The following DRP2 variants were observed in gnomAD, a reference collection of about 807,000 sequenced individuals.
The protein encoded by DRP2 is dystrophin-related protein 2.
DRP2 carries 29 observed loss-of-function variants against 78.2 expected under a neutral mutation model. The ratio of observed to expected loss-of-function variants is 0.37; its 90% confidence interval spans 0.28 to 0.51. DRP2 has a LOEUF of 0.51. Ranked by LOEUF, DRP2 falls within the 20% of genes least tolerant of loss-of-function variation. DRP2 has a pLI of 0.94. For missense variants in DRP2, 686 were observed against 770.6 expected (o/e 0.89, Z 1.30); for synonymous variants, 290 against 281.9 (o/e 1.03, Z -0.29).
Position 101,220,112 on chromosome X carries a change from T to TG in DRP2, c.-200dup, listed in dbSNP as rs1167186156. On this transcript the variant is annotated 5_prime_UTR_variant, in exon 1 of 24. Transcript: ENST00000395209. ...CAGCCCCGGCCTCCCAGCTTACAGC[T>TG]GCCGCCTGCTTCTCAGACCTGACGG... is the stretch of plus-strand genomic sequence containing the variant. The TG allele has an allele frequency of 9.0e-6, 1 of 111,209 alleles. No homozygotes were observed. The highest frequency in any genetic ancestry group is 1.9e-5 in the Non-Finnish European group (1 of 53,073). 9.2% of individuals were successfully genotyped at this position (111,209 alleles called of 1,213,427 possible).
chrX:101,227,018 A>G (rs1236649066), intron 2 of DRP2, among the ~76,000 whole-genome samples: 1 of 112,010 alleles, frequency 8.9e-6, no homozygotes, highest in East Asian at 2.8e-4. Flanking sequence ...GATGGCACGG[A>G]GTATCACATG....
At chrX:101,251,926 A>G (rs1923156730) in intron 16 of DRP2, 1 of 111,897 alleles carries the variant, frequency 8.9e-6, no homozygotes, top group African/African-American at 3.3e-5. Context: ...TTTGTAAAAC[A>G]CTAACCCACA....
intron 4 of DRP2, 74 bp downstream of exon 4, chrX:101,236,097 C>A: frequency 9.1e-7 from 1 of 1,099,486 alleles, no homozygotes; most frequent in Admixed American, 2.3e-5. Flanking sequence ...CTGTCCTTCT[C>A]CTCTCAGCCT....
chrX:101,227,543 A>G (rs1291947539), intron 2 of DRP2, among the ~76,000 whole-genome samples: 2 of 111,775 alleles, frequency 1.8e-5, no homozygotes, highest in African/African-American at 6.5e-5. Flanking sequence ...TGACTGGGAC[A>G]ACTTTACTAG....
chrX:101,264,431 C>T lies in DRP2; in HGVS notation c.*3810C>T, dbSNP rs1204516382. ...ACAAATTGGTTAACTTTGATTGCCA[C>T]TCACTGTGGTGCTTTCCCCCTTTCC... On this transcript the variant is annotated 3_prime_UTR_variant, in exon 24 of 24. Coordinates refer to ENST00000395209, the MANE Select transcript of DRP2 (RefSeq NM_001939.3). 1 of 112,116 alleles carries T rather than the reference C, an allele frequency of 8.9e-6. No individual in the cohort carries two copies. The highest frequency in any genetic ancestry group is 1.9e-5 in the Non-Finnish European group (1 of 53,233). The allele number at this position is 112,116 out of a possible 1,213,427, so 9.2% of individuals were successfully genotyped here.
intron 1 of DRP2, among the ~76,000 whole-genome samples, chrX:101,221,092 G>T (rs1921877784): frequency 8.9e-6 from 1 of 112,079 alleles, no homozygotes. Flanking sequence ...GCAAGGCTGG[G>T]CTGGGGTGGG....
At chrX:101,242,776 G>A in intron 8 of DRP2, 128 bp from the exon 9 acceptor site, 1 of 669,575 alleles carries the variant, frequency 1.5e-6, no homozygotes, top group South Asian at 2.6e-5. Flanking sequence ...TTGGGTGACG[G>A]TGGGAGAGGC....
At chrX:101,222,282 CT>C (rs761537837) in intron 1 of DRP2, among the ~76,000 whole-genome samples, 3 of 110,849 alleles carry the variant, frequency 2.7e-5, no homozygotes, top group Non-Finnish European at 5.7e-5. Context: ...CTTTTTGCCT[CT>C]TGCAGATACA....
At position 101,260,660 on chromosome X, in the gene DRP2, C is replaced by T; in HGVS notation, c.*39C>T. Reference sequence around the variant, plus strand: ...CCATCCTATAGTTCATAGTCCTCTCCTGGTTCCGGTCAAAGCCTTTCCTCA... The same window carrying T: ...CCATCCTATAGTTCATAGTCCTCTCTTGGTTCCGGTCAAAGCCTTTCCTCA... On this transcript the variant is annotated 3_prime_UTR_variant, in exon 24 of 24. Transcript: ENST00000395209. The T allele has an allele frequency of 8.5e-7, 1 of 1,179,685 alleles. No individual in the cohort carries two copies. The highest frequency in any genetic ancestry group is 1.1e-6 in the Non-Finnish European group (1 of 879,413).
chrX:101,222,207 A>T (rs1412409428), intron 1 of DRP2, among the ~76,000 whole-genome samples: 2 of 111,905 alleles, frequency 1.8e-5, no homozygotes, highest in Non-Finnish European at 3.8e-5. Context: ...TGAATGTTTA[A>T]TTTTGTTTAA....
chrX:101,255,204 A>C lies in DRP2; in HGVS notation c.2201A>C (p.Gln734Pro). 8.3e-7 allele frequency: 1 copy of C among 1,211,452 alleles called. No homozygotes were observed. The highest frequency in any genetic ancestry group is 1.1e-6 in the Non-Finnish European group (1 of 895,348). ...CCTAGGCTTGCTGAGATGGAAAGTC[A>C]AAATTGCTCCTTCTTTAATGACAGC... ...FASRLAEMESQNCSFFNDSLS... is the reference protein window; with the variant it reads ...FASRLAEMESPNCSFFNDSLS... Residue 734 changes from glutamine (Q) to proline (P), a missense_variant, in exon 20 of 24, where the codon CAA becomes CCA. Transcript: ENST00000395209.
rs367797738 is a variant in DRP2, at chrX:101,257,012, A to C, written c.2390+751A>C. Among the ~76,000 whole-genome samples the C allele has an allele frequency of 5.9e-4, 65 of 109,539 alleles. 1 individual carries two copies. Among genetic ancestry groups the C allele is most frequent in the African/African-American group, 1.9e-3 (57 of 30,075 alleles). The stretch of plus-strand genomic sequence containing the variant: ...AAAGAAATGTGTATCACCTAGTAAA[A>C]GTATTCCAGAGGACAATGACACTAC... On this transcript the variant is annotated intron_variant, in intron 21 of 23. Transcript: ENST00000395209.
chrX:101,243,051 C>T, intron 9 of DRP2, 69 bp downstream of exon 9: 4 of 1,010,296 alleles, frequency 4.0e-6, no homozygotes. Context: ...TATTGTTATC[C>T]CCTGGGGCCC....
chrX:101,231,620 C>T lies in DRP2; in HGVS notation c.-28C>T, dbSNP rs372444778. On this transcript the variant is annotated 5_prime_UTR_variant, in exon 3 of 24. Coordinates refer to ENST00000395209, the MANE Select transcript of DRP2 (RefSeq NM_001939.3). ...ATCAATAGTTGGTGCACTGCCTATC[C>T]TCATCCCCCCCATGAGCCTTGGTTT... 51 of 1,151,181 alleles carry T rather than the reference C, an allele frequency of 4.4e-5. No individual in the cohort carries two copies. The Middle Eastern group carries it at 1.4e-3, about 32-fold the overall frequency. The allele number at this position is 1,151,181 out of a possible 1,213,427, so 94.9% of individuals were successfully genotyped here.
At chrX:101,245,331 A>T in intron 10 of DRP2, 57 bp from the exon 11 acceptor site, 1 of 1,085,431 alleles carries the variant, frequency 9.2e-7, no homozygotes, top group Non-Finnish European at 1.3e-6. Flanking sequence ...TGCACATCTG[A>T]GTGTGGGGGT....
At chrX:101,240,462 T>C (rs1361626010) in intron 6 of DRP2, among the ~76,000 whole-genome samples, 1 of 112,688 alleles carries the variant, frequency 8.9e-6, no homozygotes, top group Non-Finnish European at 1.9e-5. Context: ...TCTTGAACTC[T>C]TGGGCTCAAG....
At chrX:101,234,950 G>A (rs191486062) in intron 3 of DRP2, among the ~76,000 whole-genome samples, 26 of 110,577 alleles carry the variant, frequency 2.4e-4, no homozygotes, top group Admixed American at 2.2e-3. Flanking sequence ...GCAGGTGTGG[G>A]TCTCCCTAGT....
At chrX:101,236,331 G>A (rs1426190889) in intron 4 of DRP2, among the ~76,000 whole-genome samples, 1 of 112,255 alleles carries the variant, frequency 8.9e-6, no homozygotes, top group Admixed American at 9.4e-5. Context: ...CTACCTCACA[G>A]TGTGGTCATA....
In DRP2 at chrX:101,260,135, G is replaced by A; in HGVS notation, c.2715G>A (p.Glu905=). ...PQQSEGSHPR[E]KGQTTPDTEA... is the part of the protein sequence containing the mutation. ...AGTCAGAAGGCAGTCACCCCCGGGA[G>A]AAGGGACAGACTACTCCAGATACCG... Residue 905 remains glutamate, a synonymous_variant, in exon 23 of 24, where the codon GAG becomes GAA. Transcript: ENST00000395209. 1 of 1,211,513 alleles carries A rather than the reference G, an allele frequency of 8.3e-7. No individual in the cohort carries two copies. The highest frequency in any genetic ancestry group is 1.1e-6 in the Non-Finnish European group (1 of 895,424).
Sources: allele counts gnomAD v4.1 joint callset (sites outside exome capture counted in the v4.1 genomes callset), GRCh38; gene constraint gnomAD v4.1.1; transcripts MANE v1.5; gene names NCBI Gene and HGNC (gene_info 2026-07-23, HGNC 2026-07-21).